The following RXRA variants were observed in gnomAD, a reference collection of about 807,000 sequenced individuals.
RXRA encodes retinoid X receptor alpha.
RXRA carries 5 observed loss-of-function variants against 44.5 expected under a neutral mutation model. The observed-to-expected ratio is 0.11, with a 90% CI of 0.06 to 0.24. RXRA has a LOEUF of 0.24. Ranked by LOEUF, RXRA falls within the 10% of genes least tolerant of loss-of-function variation. The pLI, the probability that RXRA is intolerant of heterozygous loss-of-function variation, is 1.00. For missense variants in RXRA, 412 were observed against 646.5 expected, an observed-to-expected ratio of 0.64 and a Z score of 3.93; for synonymous variants, 291 against 271.4, an observed-to-expected ratio of 1.07 and a Z score of -0.71.
In RXRA at chr9:134,417,293, A is replaced by G. The variant is rs773525205; in HGVS notation, c.746A>G (p.Tyr249Cys). 8 of 1,613,802 alleles carry G rather than the reference A, an allele frequency of 5.0e-6. No individual in the cohort carries two copies. The highest frequency in any genetic ancestry group is 6.8e-6 in the Non-Finnish European group (8 of 1,179,958). ...ELAVEPKTETYVEANMGLNPS... is the reference protein window; with the variant it reads ...ELAVEPKTETCVEANMGLNPS... The stretch of plus-strand genomic sequence containing the variant: ...GCCGTGGAGCCCAAGACCGAGACCT[A>G]CGTGGAGGCAAACATGGGGCTGAAC... The change falls in exon 5 of 10, where the codon TAC becomes TGC. Residue 249 changes from tyrosine (Y) to cysteine (C), a missense_variant. Tyr to Cys is a radical substitution (Grantham distance 194). Around this residue, in one of 4 missense-constraint regions of RXRA, gnomAD observed 67 missense variants for 78.7 expected, o/e 0.85. Transcript: ENST00000481739. This position sits in a 1 kb window ranked among gnomAD's most constrained non-coding sequence, Gnocchi z 6.1.
intron 1 of RXRA, among the ~76,000 whole-genome samples, chr9:134,367,158 C>A (rs900196938): frequency 6.6e-6 from 1 of 152,196 alleles, no homozygotes; most frequent in Non-Finnish European, 1.5e-5. Context: ...TTCCACCAAC[C>A]CCCCAAAAGA....
chr9:134,360,498 A>C (rs140056479), intron 1 of RXRA, among the ~76,000 whole-genome samples: 2 of 152,222 alleles, frequency 1.3e-5, no homozygotes, highest in Admixed American at 1.3e-4. Flanking sequence ...TTTCTGAAGG[A>C]CTGGTATCAG....
chr9:134,423,956 C>T (rs905829354), intron 6 of RXRA: 14 of 985,020 alleles, frequency 1.4e-5, no homozygotes, highest in African/African-American at 8.7e-5. Context: ...GATGGTTGTG[C>T]GCTGGGGGCC....
At chr9:134,369,239 TTA>T (rs1230441432) in intron 1 of RXRA, among the ~76,000 whole-genome samples, 3 of 18,864 alleles carry the variant, frequency 1.6e-4, no homozygotes, top group African/African-American at 2.4e-4. Context: ...TGTGGGGGGG[TTA>T]TATGTGTGTA....
At chr9:134,353,862 C>T (rs1283024434) in intron 1 of RXRA, among the ~76,000 whole-genome samples, 8 of 152,222 alleles carry the variant, frequency 5.3e-5, no homozygotes, top group South Asian at 2.1e-4. Context: ...TACTCATCCA[C>T]GAGCCCTGCT....
In RXRA at chr9:134,366,646, AGCTGGGTGGG is replaced by A. The variant is rs1443563408; in HGVS notation, c.29-34980_29-34971del. On this transcript the variant is annotated intron_variant, in intron 1 of 9. Transcript: ENST00000481739. This position sits in a 1 kb window ranked among gnomAD's most constrained non-coding sequence, Gnocchi z 5.9. ...AGTGGGCTTTGGCCTCCTCGTGAGGAGCTGGGTGGGGCTGGAGAAATCAGCTCCCGCCAGC... is the reference window on the plus strand; with the variant it reads ...AGTGGGCTTTGGCCTCCTCGTGAGGAGCTGGAGAAATCAGCTCCCGCCAGC... Among the ~76,000 whole-genome samples the A allele has an allele frequency of 6.6e-6, 1 of 152,026 alleles. No individual in the cohort carries two copies. The highest frequency in any genetic ancestry group is 6.5e-5 in the Admixed American group (1 of 15,276).
chr9:134,339,475 G>A (rs1830055670), intron 1 of RXRA, among the ~76,000 whole-genome samples: 1 of 151,746 alleles, frequency 6.6e-6, no homozygotes, highest in Admixed American at 6.6e-5. Context: ...GCCTGTGTGT[G>A]GGTGTGCATG....
At chr9:134,362,057 C>T (rs1019334219) in intron 1 of RXRA, among the ~76,000 whole-genome samples, 2 of 152,176 alleles carry the variant, frequency 1.3e-5, no homozygotes, top group Non-Finnish European at 2.9e-5. Flanking sequence ...CTGGAGCTGC[C>T]CCCTGGCTTG....
chr9:134,427,269 T>A (rs1192682446), intron 6 of RXRA: 3 of 597,808 alleles, frequency 5.0e-6, no homozygotes, highest in Non-Finnish European at 6.3e-6. Context: ...GGGATGCCAC[T>A]GCATGCTGCG....
chr9:134,436,617 CTGCGGGCCCATCCTTTG>C lies in RXRA; in HGVS notation c.*7_*23del, dbSNP rs768197413. ...AGGCGCCGCACCAAATGACTTAGGC[CTGCGGGCCCATCCTTTG>C]TGCCCACCCGTTCTGGCCACCCTGC... On this transcript the variant is annotated 3_prime_UTR_variant, in exon 10 of 10. Coordinates refer to ENST00000481739, the MANE Select transcript of RXRA (RefSeq NM_002957.6). 6.2e-6 allele frequency: 10 copies of C among 1,613,732 alleles called. No individual in the cohort carries two copies. Among genetic ancestry groups the C allele is most frequent in the Non-Finnish European group, 7.6e-6 (9 of 1,179,996 alleles).
intron 1 of RXRA, among the ~76,000 whole-genome samples, chr9:134,375,593 T>C (rs10881583): frequency 0.37 from 55,670 of 151,914 alleles, 12,912 homozygotes; most frequent in African/African-American, 0.66. Flanking sequence ...GACGCTGGGT[T>C]GGCCGTCTAG....
intron 1 of RXRA, among the ~76,000 whole-genome samples, chr9:134,375,928 C>T (rs1314698149): frequency 2.0e-5 from 3 of 148,892 alleles, no homozygotes; most frequent in Non-Finnish European, 3.0e-5. Context: ...AACAAGCTGC[C>T]GGCCGCCCTC....
intron 9 of RXRA, among the ~76,000 whole-genome samples, chr9:134,434,873 C>CGGG (rs1831591429): frequency 9.2e-6 from 1 of 108,912 alleles, no homozygotes; most frequent in African/African-American, 4.3e-5. Flanking sequence ...GGGAGGGGGT[C>CGGG]GGGGGAGGTG....
chr9:134,393,872 G>A (rs1027071275), intron 1 of RXRA, among the ~76,000 whole-genome samples: 3 of 152,130 alleles, frequency 2.0e-5, no homozygotes, highest in Admixed American at 1.3e-4. Context: ...TAACCCCAGC[G>A]CCCCTGGGCT....
chr9:134,436,720 T>A lies in RXRA; in HGVS notation c.*106T>A. 2 of 1,328,240 alleles carry A rather than the reference T, an allele frequency of 1.5e-6. No individual in the cohort carries two copies. Among genetic ancestry groups the A allele is most frequent in the Non-Finnish European group, 2.1e-6 (2 of 958,256 alleles). The allele number at this position is 1,328,240 out of a possible 1,614,324, so 82.3% of individuals were successfully genotyped here. A position where few individuals can be genotyped will look rare whatever the true frequency, so the allele number is the denominator to read the frequency against. ...TCCCTGCCCTTCTCTGCCTGGCCTG[T>A]TTGGACTTTGGGGCACAGCCTGTCA... On this transcript the variant is annotated 3_prime_UTR_variant, in exon 10 of 10. Coordinates refer to ENST00000481739, the MANE Select transcript of RXRA (RefSeq NM_002957.6).
At chr9:134,334,833 G>A (rs552157155) in intron 1 of RXRA, among the ~76,000 whole-genome samples, 27 of 152,336 alleles carry the variant, frequency 1.8e-4, no homozygotes, top group African/African-American at 6.5e-4. Context: ...GGTTGCTGGC[G>A]TCCAGGAAGC....
chr9:134,406,445 A>C (rs991193326), intron 2 of RXRA: 1 of 151,814 alleles, frequency 6.6e-6, no homozygotes, highest in Non-Finnish European at 1.5e-5. Context: ...ACATGGTTCC[A>C]GTTTTGCCGA....
chr9:134,327,133 GGT>G (rs1330928595), intron 1 of RXRA, among the ~76,000 whole-genome samples: 2 of 152,102 alleles, frequency 1.3e-5, no homozygotes, highest in African/African-American at 4.8e-5. Flanking sequence ...CTGGCCCTTG[GGT>G]GTGTGTCCGC....
chr9:134,374,559 G>A (rs551325689), intron 1 of RXRA, among the ~76,000 whole-genome samples: 4 of 152,144 alleles, frequency 2.6e-5, no homozygotes, highest in Non-Finnish European at 5.9e-5. Flanking sequence ...CCCCGCCTCC[G>A]GTCTTCCTCC....
Sources: gnomAD v4.1 joint callset for allele counts (sites outside exome capture counted in the v4.1 genomes callset) on GRCh38, gnomAD v4.1.1 for gene constraint, gnomAD v4.1.1 regional missense constraint, Gnocchi (gnomAD v3.1) non-coding constraint, MANE v1.5 for transcripts, NCBI Gene and HGNC (gene_info 2026-07-23, HGNC 2026-07-21) for gene names.